The following KIAA0825 variants were observed in gnomAD, a reference collection of about 807,000 sequenced individuals.
The protein encoded by KIAA0825 is uncharacterized protein KIAA0825.
KIAA0825 carries 119 observed loss-of-function variants against 147.6 expected under a neutral mutation model. The observed-to-expected ratio is 0.81, with a 90% CI of 0.69 to 0.94. The LOEUF (loss-of-function observed/expected upper bound fraction) is 0.94, where lower values mean the gene tolerates loss of function less well. KIAA0825 is among the 40% of genes least tolerant of loss of function. The probability of loss-of-function intolerance (pLI) is 0.00; values close to 1 mark genes in which losing one functional copy is unlikely to be tolerated. For synonymous variants in KIAA0825, 470 were observed against 518.1 expected (o/e 0.91, Z 1.26); for missense variants, 1,381 against 1,472.7 (o/e 0.94, Z 1.02).
chr5:94,552,396 A>G (rs1249563440), intron 2 of KIAA0825, among the ~76,000 whole-genome samples: 3 of 152,176 alleles, frequency 2.0e-5, no homozygotes, highest in African/African-American at 4.8e-5. Context: ...TTGGATTTAA[A>G]CAGACAAAAT....
intron 20 of KIAA0825, among the ~76,000 whole-genome samples, chr5:94,294,114 T>C (rs1290126388): frequency 1.3e-5 from 2 of 152,222 alleles, no homozygotes; most frequent in African/African-American, 4.8e-5. Flanking sequence ...AATTGGGACA[T>C]TTAGCCCATT....
intron 5 of KIAA0825, among the ~76,000 whole-genome samples, chr5:94,486,071 A>G (rs1763024577): frequency 6.6e-6 from 1 of 151,928 alleles, no homozygotes; most frequent in Non-Finnish European, 1.5e-5. Flanking sequence ...TCTTAACTCC[A>G]ATTTGTTGCT....
intron 20 of KIAA0825, among the ~76,000 whole-genome samples, chr5:94,266,725 C>T (rs149642253): frequency 1.8e-3 from 274 of 152,008 alleles, no homozygotes; most frequent in Middle Eastern, 6.8e-3. Flanking sequence ...TTTTTTGTTT[C>T]GGGAAATACA....
rs995449660 is a variant in KIAA0825 at position 94,233,132 on chromosome 5, G to A, written c.3711-79008C>T. On this transcript the variant is annotated intron_variant, in intron 20 of 20. Coordinates refer to ENST00000682413, the MANE Select transcript of KIAA0825 (RefSeq NM_001145678.3). ...TGCCGAAGGCCAGAGGCAAAAAGAG[G>A]CAAAACAAGGAACATAAAAATAGAG... 3.3e-5 allele frequency among the ~76,000 whole-genome samples: 5 copies of A among 152,092 alleles called. No individual in the cohort carries two copies. In the East Asian group the frequency reaches 7.7e-4, roughly 23 times the overall value.
At chr5:94,286,610 T>C (rs1046995358) in intron 20 of KIAA0825, among the ~76,000 whole-genome samples, 1 of 152,040 alleles carries the variant, frequency 6.6e-6, no homozygotes, top group African/African-American at 2.4e-5. Flanking sequence ...TGGAGTGCAG[T>C]AGTATAATCA....
At chr5:94,264,870 C>T (rs1018354048) in intron 20 of KIAA0825, among the ~76,000 whole-genome samples, 1 of 151,554 alleles carries the variant, frequency 6.6e-6, no homozygotes, top group Non-Finnish European at 1.5e-5. Flanking sequence ...GCAACCTCTG[C>T]CTCCCAGGTA....
chr5:94,268,976 A>AATT (rs1309645825), intron 20 of KIAA0825, among the ~76,000 whole-genome samples: 1 of 152,176 alleles, frequency 6.6e-6, no homozygotes, highest in South Asian at 2.1e-4. Context: ...GGAAGCATAA[A>AATT]ATTAGCAAAA....
chr5:94,548,325 G>A (rs1025950856), intron 2 of KIAA0825, among the ~76,000 whole-genome samples: 1 of 152,138 alleles, frequency 6.6e-6, no homozygotes. Flanking sequence ...TGCAATCAGT[G>A]TTTAGTTGTC....
intron 20 of KIAA0825, among the ~76,000 whole-genome samples, chr5:94,369,013 C>T (rs62364583): frequency 0.015 from 2,328 of 152,084 alleles, 24 homozygotes; most frequent in Middle Eastern, 0.027. Context: ...ACTAAAAATA[C>T]AAAAATTAGC....
At chr5:94,490,699 T>C (rs1327272185) in intron 5 of KIAA0825, among the ~76,000 whole-genome samples, 1 of 152,096 alleles carries the variant, frequency 6.6e-6, no homozygotes, top group African/African-American at 2.4e-5. Flanking sequence ...TATATATAGG[T>C]ATTATAGATA....
chr5:94,395,695 A>C (rs576117631), intron 17 of KIAA0825, among the ~76,000 whole-genome samples: 5 of 152,270 alleles, frequency 3.3e-5, no homozygotes, highest in African/African-American at 1.2e-4. Flanking sequence ...AGAAAGCAAT[A>C]AAAAGCCTTT....
At chr5:94,515,387 G>T (rs946349795) in intron 5 of KIAA0825, among the ~76,000 whole-genome samples, 2 of 152,114 alleles carry the variant, frequency 1.3e-5, no homozygotes, top group Non-Finnish European at 2.9e-5. Flanking sequence ...TAATCAAAAT[G>T]CTAATTGTAA....
intron 20 of KIAA0825, among the ~76,000 whole-genome samples, chr5:94,250,971 A>G (rs1050252320): frequency 1.3e-5 from 2 of 152,118 alleles, no homozygotes; most frequent in Non-Finnish European, 2.9e-5. Flanking sequence ...TAAAGAGTAG[A>G]TTAATAATTT....
At chr5:94,615,146 G>A (rs1255774951) in intron 1 of KIAA0825, among the ~76,000 whole-genome samples, 1 of 151,444 alleles carries the variant, frequency 6.6e-6, no homozygotes, top group Non-Finnish European at 1.5e-5. Flanking sequence ...GTCCACCAAT[G>A]TGGAAGACGT....
chr5:94,474,711 C>T (rs536783247), intron 7 of KIAA0825, among the ~76,000 whole-genome samples: 2 of 152,148 alleles, frequency 1.3e-5, no homozygotes, highest in South Asian at 4.1e-4. Context: ...GCTCTCATTA[C>T]GCTCATAACT....
intron 12 of KIAA0825, among the ~76,000 whole-genome samples, chr5:94,461,718 G>A (rs970441854): frequency 2.6e-5 from 4 of 151,740 alleles, no homozygotes; most frequent in African/African-American, 9.7e-5. Context: ...TTTATCCTTA[G>A]AAATAGACAT....
chr5:94,230,887 G>A (rs1361762635), intron 20 of KIAA0825, among the ~76,000 whole-genome samples: 1 of 152,042 alleles, frequency 6.6e-6, no homozygotes, highest in Non-Finnish European at 1.5e-5. Context: ...AAATATTACT[G>A]TTTTACTCTT....
At chr5:94,299,083 T>C (rs1425121118) in intron 20 of KIAA0825, among the ~76,000 whole-genome samples, 3 of 152,172 alleles carry the variant, frequency 2.0e-5, no homozygotes, top group Admixed American at 2.0e-4. Context: ...TTTTTTTGTT[T>C]CCATTCAGTT....
At position 94,400,242 on chromosome 5, in the gene KIAA0825, A is replaced by G. The variant is rs1751208029; in HGVS notation, c.2887+3327T>C. Among the ~76,000 whole-genome samples, 3 of 152,132 alleles carry G rather than the reference A, an allele frequency of 2.0e-5. No individual in the cohort carries two copies. The South Asian group carries it at 6.2e-4, about 31-fold the overall frequency. ...GAATGGAAAAATATTTTATTTTTAT[A>G]TTTTTAAGAAAAGCATTCAAGAGTC... On this transcript the variant is annotated intron_variant, in intron 16 of 20. Coordinates refer to ENST00000682413, the MANE Select transcript of KIAA0825 (RefSeq NM_001145678.3).
Sources: allele counts gnomAD v4.1 joint callset (sites outside exome capture counted in the v4.1 genomes callset), GRCh38; gene constraint gnomAD v4.1.1; transcripts MANE v1.5; gene names NCBI Gene and HGNC (gene_info 2026-07-23, HGNC 2026-07-21).